Variants in ST6GALNAC3 observed in about 807,000 individuals in gnomAD.
The protein encoded by ST6GALNAC3 is ST6 N-acetylgalactosaminide alpha-2,6-sialyltransferase 3.
ST6GALNAC3 carries 25 observed loss-of-function variants against 32.7 expected under a neutral mutation model. The ratio of observed to expected loss-of-function variants is 0.76; its 90% CI spans 0.56 to 1.07. The LOEUF (loss-of-function observed/expected upper bound fraction) is 1.07. Ranked by LOEUF, ST6GALNAC3 falls within the 50% of genes least tolerant of loss-of-function variation. The pLI is 0.00. For synonymous variants in ST6GALNAC3, 129 were observed against 133.1 expected (o/e 0.97, Z 0.21); for missense variants, 355 against 382.4 (o/e 0.93, Z 0.60).
In ST6GALNAC3 at chr1:76,631,968, T is replaced by G. The variant is rs763567386; in HGVS notation, c.*3162T>G. 2.6e-5 allele frequency: 4 copies of G among 152,202 alleles called. No homozygotes were observed. The highest frequency in any genetic ancestry group is 2.9e-5 in the Non-Finnish European group (2 of 67,968). 9.4% of individuals were successfully genotyped at this position (152,202 alleles called of 1,614,324 possible). On this transcript the variant is annotated 3_prime_UTR_variant, in exon 5 of 5. Transcript: ENST00000328299. ...TAAGAAACCTTTTAGAGTATATGAT[T>G]TTACATTGCTATCAAACCTATCAAA... is the stretch of plus-strand genomic sequence containing the variant.
At chr1:76,397,020 G>A (rs965455179) in intron 2 of ST6GALNAC3, among the ~76,000 whole-genome samples, 5 of 152,114 alleles carry the variant, frequency 3.3e-5, no homozygotes, top group African/African-American at 1.2e-4. Flanking sequence ...TGTGGGCTCA[G>A]TAATCTCATT....
chr1:76,367,381 G>A (rs550959231), intron 2 of ST6GALNAC3, among the ~76,000 whole-genome samples: 2 of 152,208 alleles, frequency 1.3e-5, no homozygotes, highest in East Asian at 3.9e-4. Flanking sequence ...CGTGTGGTAA[G>A]CACAGGGCAC....
At chr1:76,366,719 A>G (rs1349577948) in intron 2 of ST6GALNAC3, among the ~76,000 whole-genome samples, 2 of 152,176 alleles carry the variant, frequency 1.3e-5, no homozygotes, top group Non-Finnish European at 2.9e-5. Context: ...GTCTGGCAAA[A>G]AAATACACAC....
chr1:76,185,282 C>T (rs895039496), intron 1 of ST6GALNAC3, among the ~76,000 whole-genome samples: 1 of 152,146 alleles, frequency 6.6e-6, no homozygotes, highest in African/African-American at 2.4e-5. Flanking sequence ...GGGTCTGGCA[C>T]TGAGGAATCA....
At chr1:76,105,133 A>G (rs1251472258) in intron 1 of ST6GALNAC3, among the ~76,000 whole-genome samples, 1 of 152,238 alleles carries the variant, frequency 6.6e-6, no homozygotes, top group Non-Finnish European at 1.5e-5. Flanking sequence ...ATGATTAAAA[A>G]TTCCAAAAAT....
intron 1 of ST6GALNAC3, among the ~76,000 whole-genome samples, chr1:76,083,915 G>T (rs1024553553): frequency 1.3e-5 from 2 of 152,134 alleles, no homozygotes; most frequent in Non-Finnish European, 2.9e-5. Flanking sequence ...AGGTTCACTC[G>T]TCTAAGTTGA....
intron 1 of ST6GALNAC3, among the ~76,000 whole-genome samples, chr1:76,172,188 G>A (rs1652561894): frequency 1.3e-5 from 2 of 151,844 alleles, no homozygotes; most frequent in South Asian, 4.2e-4. Flanking sequence ...TTGAACATAC[G>A]TAAATCAATA....
At chr1:76,132,026 A>T (rs1649641900) in intron 1 of ST6GALNAC3, among the ~76,000 whole-genome samples, 1 of 152,142 alleles carries the variant, frequency 6.6e-6, no homozygotes, top group Admixed American at 6.5e-5. Context: ...AAAACACACA[A>T]TGCCACCATT....
intron 1 of ST6GALNAC3, among the ~76,000 whole-genome samples, chr1:76,077,540 T>C (rs1372455177): frequency 6.6e-6 from 1 of 152,096 alleles, no homozygotes; most frequent in African/African-American, 2.4e-5. Context: ...AAGGATAAAT[T>C]GTGGAAATGT....
chr1:76,453,746 T>C (rs1305260922), intron 3 of ST6GALNAC3, among the ~76,000 whole-genome samples: 5 of 152,190 alleles, frequency 3.3e-5, no homozygotes, highest in African/African-American at 1.2e-4. Context: ...ATAGAATGTA[T>C]ATTCTGTAGT....
intron 2 of ST6GALNAC3, among the ~76,000 whole-genome samples, chr1:76,386,952 T>C (rs1346148727): frequency 6.6e-6 from 1 of 152,146 alleles, no homozygotes; most frequent in Non-Finnish European, 1.5e-5. Context: ...CACTTACCCA[T>C]ACTGGGACTC....
intron 3 of ST6GALNAC3, among the ~76,000 whole-genome samples, chr1:76,429,659 A>C (rs939200868): frequency 6.6e-6 from 1 of 152,154 alleles, no homozygotes; most frequent in Non-Finnish European, 1.5e-5. Flanking sequence ...ACTGGAAGAC[A>C]TTGGCCTTGT....
intron 3 of ST6GALNAC3, among the ~76,000 whole-genome samples, chr1:76,556,936 G>A (rs1276310931): frequency 6.6e-6 from 1 of 151,822 alleles, no homozygotes; most frequent in African/African-American, 2.4e-5. Context: ...ATTTAAAAAG[G>A]CTTGCCTAAT....
chr1:76,405,664 T>C (rs1223959214), intron 2 of ST6GALNAC3, among the ~76,000 whole-genome samples: 2 of 151,736 alleles, frequency 1.3e-5, no homozygotes, highest in Non-Finnish European at 2.9e-5. Flanking sequence ...AGGGTTCTTT[T>C]ACTGTATGTG....
chr1:76,343,253 A>T (rs908943774), intron 2 of ST6GALNAC3, among the ~76,000 whole-genome samples: 40 of 152,196 alleles, frequency 2.6e-4, no homozygotes, highest in African/African-American at 8.4e-4. Flanking sequence ...ATTAATGTGT[A>T]CATGTTATTG....
At chr1:76,245,397 T>G (rs1204767997) in intron 1 of ST6GALNAC3, among the ~76,000 whole-genome samples, 1 of 152,244 alleles carries the variant, frequency 6.6e-6, no homozygotes, top group East Asian at 1.9e-4. Flanking sequence ...ATTCATTGAT[T>G]TTTTTGAAGG....
chr1:76,614,004 T>C (rs1648114085), intron 3 of ST6GALNAC3, among the ~76,000 whole-genome samples: 1 of 152,220 alleles, frequency 6.6e-6, no homozygotes. Context: ...TACATCATCG[T>C]TGAGAAAACA....
chr1:76,555,800 T>C (rs956321582), intron 3 of ST6GALNAC3, among the ~76,000 whole-genome samples: 10 of 152,066 alleles, frequency 6.6e-5, no homozygotes, highest in African/African-American at 2.4e-4. Flanking sequence ...TCTATATTTT[T>C]AGAGGGATTC....
intron 3 of ST6GALNAC3, among the ~76,000 whole-genome samples, chr1:76,601,433 A>C (rs1647230996): frequency 6.6e-6 from 1 of 152,190 alleles, no homozygotes; most frequent in Non-Finnish European, 1.5e-5. Context: ...AGAGAAAATT[A>C]AAGGGTAAAA....
Sources: allele counts gnomAD v4.1 joint callset (sites outside exome capture counted in the v4.1 genomes callset), GRCh38; gene constraint gnomAD v4.1.1; transcripts MANE v1.5; gene names NCBI Gene and HGNC (gene_info 2026-07-23, HGNC 2026-07-21).